TRPV4: variants seen among roughly 807,000 people sequenced by gnomAD.
TRPV4 encodes the protein transient receptor potential cation channel subfamily V member 4, also known as OSM9-like transient receptor potential channel 4.
TRPV4 carries 58 observed loss-of-function variants against 84.1 expected under a neutral mutation model. The observed-to-expected ratio is 0.69, with a 90% CI of 0.56 to 0.86. TRPV4 has a LOEUF of 0.86. Ranked by LOEUF, TRPV4 falls within the 40% of genes least tolerant of loss-of-function variation. The pLI is 0.00. For synonymous variants in TRPV4, 489 were observed against 500.9 expected (o/e 0.98, Z 0.32); for missense variants, 879 against 1,181.1 (o/e 0.74, Z 3.75).
In TRPV4 at chr12:109,793,468, T is replaced by C. The variant is rs957042689; in HGVS notation, c.1658+59A>G. The stretch of plus-strand genomic sequence containing the variant: ...ACCTCTCTCCTGAATCTGGACGACC[T>C]AGCAGCCCAAACCCACCTTCCTCAC... On this transcript the variant is annotated intron_variant, in intron 10 of 15. Transcript: ENST00000261740. The surrounding 1 kb of genome is among the most constrained non-coding windows in gnomAD (Gnocchi z 4.0). 7.0e-7 allele frequency: 1 copy of C among 1,438,306 alleles called. No individual in the cohort carries two copies. Among genetic ancestry groups the C allele is most frequent in the Admixed American group, 1.7e-5 (1 of 59,746 alleles). 89.1% of individuals were successfully genotyped at this position (1,438,306 alleles called of 1,614,324 possible). A position where few individuals can be genotyped will look rare whatever the true frequency, so the allele number is the denominator to read the frequency against.
rs1299841648 is a variant in TRPV4, at chr12:109,814,120, TG to T, written c.386+290del. On this transcript the variant is annotated intron_variant, in intron 2 of 15. Coordinates refer to ENST00000261740, the MANE Select transcript of TRPV4 (RefSeq NM_021625.5). The surrounding 1 kb of genome is among the most constrained non-coding windows in gnomAD (Gnocchi z 5.4). ...ATCGATGGATAGATGTATGGATGGT[TG>T]GATGGATGGATGGAGGATATAGAGA... 6.6e-6 allele frequency among the ~76,000 whole-genome samples: 1 copy of T among 151,722 alleles called. No individual in the cohort carries two copies. The highest frequency in any genetic ancestry group is 2.4e-5 in the African/African-American group (1 of 41,278).
At chr12:109,830,196 A>G (rs1405825598) in intron 1 of TRPV4, among the ~76,000 whole-genome samples, 1 of 150,834 alleles carries the variant, frequency 6.6e-6, no homozygotes, top group African/African-American at 2.4e-5. Flanking sequence ...ACAAATGGGG[A>G]CGGGCCACCT....
In TRPV4 at chr12:109,786,826, G is replaced by C; in HGVS notation, c.2220C>G (p.Thr740=). 1 of 1,613,984 alleles carries C rather than the reference G, an allele frequency of 6.2e-7. No homozygotes were observed. The highest frequency in any genetic ancestry group is 1.1e-5 in the South Asian group (1 of 91,076). ...GGAAGGAGCGCTCAATGTCCAGGAT[G>C]GTGGTGGCCCACTGCGGGGAGGGAG... ...KHIWKLQWAT[T]ILDIERSFPV... is the part of the protein sequence containing the mutation. The change falls in exon 14 of 16, where the codon ACC becomes ACG. Residue 740 remains threonine (T), a synonymous_variant. Coordinates refer to ENST00000261740, the MANE Select transcript of TRPV4 (RefSeq NM_021625.5). This position sits in a 1 kb window ranked among gnomAD's most constrained non-coding sequence, Gnocchi z 4.5.
Position 109,788,695 on chromosome 12 carries a change from G to A in TRPV4, c.1913C>T (p.Pro638Leu), listed in dbSNP as rs35058636. The A allele has an allele frequency of 1.7e-4, 270 of 1,614,116 alleles. No homozygotes were observed. The African/African-American group carries it at 2.8e-3, about 17-fold the overall frequency. ...YASALVSLLN[P>L]CANMKVCNED... The stretch of plus-strand genomic sequence containing the variant: ...ATTGCACACCTTCATGTTGGCACAC[G>A]GGTTCAGGAGGGAGACCAGGGCTGT... Residue 638 changes from proline to leucine, a missense_variant, in exon 13 of 16, where the codon CCG becomes CTG. By Grantham distance (98) the Pro-to-Leu change is moderately conservative (BLOSUM62 -3). This residue lies in a region of TRPV4 where 242 missense variants were observed against 355.3 expected (regional missense o/e 0.68). Coordinates refer to ENST00000261740, the MANE Select transcript of TRPV4 (RefSeq NM_021625.5).
chr12:109,794,243 G>C lies in TRPV4; in HGVS notation c.1491+86C>G, dbSNP rs56214813. 6.0e-3 allele frequency: 9,337 copies of C among 1,552,838 alleles called. 499 individuals carry two copies. In the African/African-American group the frequency reaches 0.11, roughly 18 times the overall value. The stretch of plus-strand genomic sequence containing the variant: ...ACCTTCTCCGGGTCCCCCTACAGGG[G>C]ACCCAGAAGGATGAGGTTGTGCCCC... On this transcript the variant is annotated intron_variant, in intron 8 of 15. Transcript: ENST00000261740.
chr12:109,806,699 G>GA (rs67356085), intron 3 of TRPV4, among the ~76,000 whole-genome samples: 2 of 147,432 alleles, frequency 1.4e-5, no homozygotes, highest in African/African-American at 5.0e-5. Flanking sequence ...TAAAAAAAAA[G>GA]AAAAAAAAAA....
chr12:109,786,651 C>T lies in TRPV4; in HGVS notation c.2336+59G>A. 1 of 1,606,906 alleles carries T rather than the reference C, an allele frequency of 6.2e-7. No individual in the cohort carries two copies. The highest frequency in any genetic ancestry group is 2.2e-5 in the East Asian group (1 of 44,660). ...GTAGACGACGCTGGAGCAGCAGGGG[C>T]CCCGAGCCAGTGGGGACAGTTCCGC... On this transcript the variant is annotated intron_variant, in intron 14 of 15. Coordinates refer to ENST00000261740, the MANE Select transcript of TRPV4 (RefSeq NM_021625.5). This position sits in a 1 kb window ranked among gnomAD's most constrained non-coding sequence, Gnocchi z 4.5.
chr12:109,818,978 T>A (rs1891979349), intron 1 of TRPV4, among the ~76,000 whole-genome samples: 1 of 152,142 alleles, frequency 6.6e-6, no homozygotes, highest in Non-Finnish European at 1.5e-5. Flanking sequence ...AGCAAATGGC[T>A]TTGAAGAAAA....
At position 109,786,597 on chromosome 12, in the gene TRPV4, G is replaced by A; in HGVS notation, c.2336+113C>T. On this transcript the variant is annotated intron_variant, in intron 14 of 15. Coordinates refer to ENST00000261740, the MANE Select transcript of TRPV4 (RefSeq NM_021625.5). This position sits in a 1 kb window ranked among gnomAD's most constrained non-coding sequence, Gnocchi z 4.5. ...AATGAACTCTGCTCGGGCCTCTTGGGGCCTCAGTGGCTCCAGAAATTGCAA... is the reference window on the plus strand; with the variant it reads ...AATGAACTCTGCTCGGGCCTCTTGGAGCCTCAGTGGCTCCAGAAATTGCAA... 7.1e-7 allele frequency: 1 copy of A among 1,409,268 alleles called. No homozygotes were observed. The highest frequency in any genetic ancestry group is 1.2e-5 in the South Asian group (1 of 81,552). The allele number at this position is 1,409,268 out of a possible 1,614,324, so 87.3% of individuals were successfully genotyped here.
intron 3 of TRPV4, among the ~76,000 whole-genome samples, chr12:109,806,653 G>C (rs1205937091): frequency 6.7e-6 from 1 of 148,648 alleles, no homozygotes; most frequent in Non-Finnish European, 1.5e-5. Flanking sequence ...CCAGGAGTTT[G>C]ATACCAGCCT....
intron 2 of TRPV4, among the ~76,000 whole-genome samples, chr12:109,811,668 A>G (rs963088337): frequency 2.6e-5 from 4 of 151,430 alleles, no homozygotes; most frequent in Admixed American, 2.0e-4. Flanking sequence ...AAAAAAAAAA[A>G]AAAGAAAAAG....
chr12:109,830,112 G>A (rs768625590), intron 1 of TRPV4, among the ~76,000 whole-genome samples: 10 of 152,084 alleles, frequency 6.6e-5, no homozygotes, highest in Non-Finnish European at 1.3e-4. Context: ...CACTGCACCC[G>A]GCCAACTCAG....
At chr12:109,787,359 C>A (rs1162620631) in intron 13 of TRPV4, among the ~76,000 whole-genome samples, 1 of 152,216 alleles carries the variant, frequency 6.6e-6, no homozygotes, top group African/African-American at 2.4e-5. Flanking sequence ...AATCTCAGCA[C>A]TTTAGGAGGC....
At position 109,792,350 on chromosome 12, in the gene TRPV4, A is replaced by C; in HGVS notation, c.1891+13T>G. 2 of 1,611,294 alleles carry C rather than the reference A, an allele frequency of 1.2e-6. No individual in the cohort carries two copies. Among genetic ancestry groups the C allele is most frequent in the Non-Finnish European group, 1.7e-6 (2 of 1,178,340 alleles). On this transcript the variant is annotated intron_variant, in intron 12 of 15. Transcript: ENST00000261740. ...CCACCCCTGCCAGGACCACCTGAGC[A>C]CCCAGAGCTCACCTGAAGCGTAGCC...
At chr12:109,792,886 A>G in intron 10 of TRPV4, 69 bp from the exon 11 acceptor site, 2 of 1,533,154 alleles carry the variant, frequency 1.3e-6, no homozygotes, top group Non-Finnish European at 1.8e-6. Context: ...GGAGGGGAAG[A>G]CACGCCTCCA....
At chr12:109,788,963 CTCTT>C (rs975189254) in intron 12 of TRPV4, among the ~76,000 whole-genome samples, 15 of 152,168 alleles carry the variant, frequency 9.9e-5, no homozygotes, top group Admixed American at 2.0e-4. Context: ...CTCTCTCTCT[CTCTT>C]TCTTTCTGAG....
intron 14 of TRPV4, among the ~76,000 whole-genome samples, chr12:109,785,600 G>T (rs1417598134): frequency 6.6e-6 from 1 of 151,778 alleles, no homozygotes; most frequent in Non-Finnish European, 1.5e-5. Flanking sequence ...TGTATTTTTA[G>T]TGGAGACAGG....
At chr12:109,802,504 G>A (rs1055712462) in intron 4 of TRPV4, among the ~76,000 whole-genome samples, 15 of 151,678 alleles carry the variant, frequency 9.9e-5, no homozygotes, top group African/African-American at 3.6e-4. Flanking sequence ...GTTTCACCAT[G>A]TTGGCCAGGC....
At chr12:109,820,987 C>T (rs552175584) in intron 1 of TRPV4, among the ~76,000 whole-genome samples, 250 of 152,370 alleles carry the variant, frequency 1.6e-3, no homozygotes, top group South Asian at 5.8e-3. Context: ...CTGGCTCCGT[C>T]CCCATGCCCC....
Sources: gnomAD v4.1 joint callset for allele counts (sites outside exome capture counted in the v4.1 genomes callset) on GRCh38, gnomAD v4.1.1 for gene constraint, gnomAD v4.1.1 regional missense constraint, Gnocchi (gnomAD v3.1) non-coding constraint, MANE v1.5 for transcripts, NCBI Gene and HGNC (gene_info 2026-07-23, HGNC 2026-07-21) for gene names.